The following CFHR4 variants were observed in gnomAD, a reference collection of about 807,000 sequenced individuals.
CFHR4 encodes the protein complement factor H related 4, also known as complement factor H-related protein 4.
A neutral mutation model predicts 69.3 loss-of-function variants in CFHR4; 64 were observed. The observed-to-expected ratio is 0.92, with a 90% CI of 0.76 to 1.14. The LOEUF (loss-of-function observed/expected upper bound fraction) is 1.14. CFHR4 is among the 50% of genes most tolerant of loss of function. The pLI is 0.00. For synonymous variants in CFHR4, 244 were observed against 237.0 expected, an observed-to-expected ratio of 1.03 and a Z score of -0.27; for missense variants, 636 against 684.9, an observed-to-expected ratio of 0.93 and a Z score of 0.80.
At chr1:196,893,446 G>A (rs1401085612) in intron 1 of CFHR4, among the ~76,000 whole-genome samples, 4 of 151,624 alleles carry the variant, frequency 2.6e-5, no homozygotes, top group African/African-American at 7.3e-5. Flanking sequence ...TCTATTCTGA[G>A]CCTTCCACAT....
chr1:196,904,022 A>G (rs1339164840), intron 2 of CFHR4, among the ~76,000 whole-genome samples: 1 of 151,580 alleles, frequency 6.6e-6, no homozygotes, highest in Non-Finnish European at 1.5e-5. Context: ...TAGAAACTAT[A>G]TGATAATTAG....
intron 1 of CFHR4, among the ~76,000 whole-genome samples, chr1:196,892,354 A>T (rs972802166): frequency 4.6e-5 from 7 of 151,608 alleles, no homozygotes; most frequent in African/African-American, 1.7e-4. Context: ...TAATCCCAGA[A>T]GAAAATGGTT....
At chr1:196,913,897 C>T (rs1237318047) in intron 7 of CFHR4, among the ~76,000 whole-genome samples, 3 of 151,302 alleles carry the variant, frequency 2.0e-5, no homozygotes, top group African/African-American at 7.3e-5. Context: ...TATATCAATT[C>T]CTACATTTCT....
chr1:196,915,197 T>G, intron 9 of CFHR4, 59 bp downstream of exon 9: 1 of 1,507,814 alleles, frequency 6.6e-7, no homozygotes, highest in East Asian at 2.3e-5. Context: ...GATATTTGCT[T>G]TTTTATACTA....
chr1:196,888,887 CTTT>C (rs1428784640), intron 1 of CFHR4, among the ~76,000 whole-genome samples: 3 of 151,232 alleles, frequency 2.0e-5, no homozygotes, highest in Admixed American at 1.3e-4. Flanking sequence ...ATTTTCATAG[CTTT>C]ATGTCATTGT....
At position 196,902,834 on chromosome 1, in the gene CFHR4, C is replaced by T. The variant is rs565038282; in HGVS notation, c.256+219C>T. On this transcript the variant is annotated intron_variant, in intron 2 of 9. Transcript: ENST00000608469. ...TATGAGAATACCGATATAATTTAAA[C>T]ATATTTTATCATAAAAACTAAGGTT... Among the ~76,000 whole-genome samples, 261 of 151,494 alleles carry T rather than the reference C, an allele frequency of 1.7e-3. 9 individuals carry two copies. Among genetic ancestry groups the T allele is most frequent in the African/African-American group, 6.0e-3 (245 of 41,114 alleles).
At chr1:196,905,892 C>T (rs1413150120) in intron 3 of CFHR4, among the ~76,000 whole-genome samples, 1 of 151,436 alleles carries the variant, frequency 6.6e-6, no homozygotes, top group Non-Finnish European at 1.5e-5. Context: ...GGATTCCTTA[C>T]AACTAAAGTT....
intron 1 of CFHR4, among the ~76,000 whole-genome samples, chr1:196,900,040 G>A (rs1007458084): frequency 2.6e-5 from 4 of 151,440 alleles, no homozygotes; most frequent in African/African-American, 4.9e-5. Flanking sequence ...AGAATCCTAC[G>A]TGCAAAGCTA....
In CFHR4 at chr1:196,902,433, A is replaced by G. The variant is rs761008403; in HGVS notation, c.74A>G (p.Asp25Gly). 53 of 1,606,766 alleles carry G rather than the reference A, an allele frequency of 3.3e-5. No homozygotes were observed. Among genetic ancestry groups the G allele is most frequent in the Non-Finnish European group, 4.4e-5 (52 of 1,176,596 alleles). The change falls in exon 2 of 10, where the codon GAT (aspartate) becomes GGT (glycine). Residue 25 changes from aspartate to glycine, a missense_variant. Asp to Gly is a moderately conservative substitution (Grantham distance 94). Coordinates refer to ENST00000608469, the MANE Select transcript of CFHR4 (RefSeq NM_001201550.3). Reference sequence around the variant, plus strand: ...TTATTACAAGAAGTGAAACCTTGTGATTTTCCAGAAATTCAACATGGAGGT... The same window carrying G: ...TTATTACAAGAAGTGAAACCTTGTGGTTTTCCAGAAATTCAACATGGAGGT... Reference protein sequence around the residue: ...CANGQEVKPCDFPEIQHGGLY... With the variant: ...CANGQEVKPCGFPEIQHGGLY...
chr1:196,907,153 A>G, intron 4 of CFHR4, 116 bp downstream of exon 4: 1 of 1,198,034 alleles, frequency 8.3e-7, no homozygotes, highest in East Asian at 2.6e-5. Flanking sequence ...TGTAGTCCTC[A>G]TTTGAGTGTG....
At chr1:196,888,293 T>G in intron 1 of CFHR4, 85 bp downstream of exon 1, 1 of 1,366,796 alleles carries the variant, frequency 7.3e-7, no homozygotes, top group East Asian at 2.3e-5. Context: ...TATAATTTTT[T>G]TATAAATCTG....
Position 196,918,483 on chromosome 1 carries a change from T to G in CFHR4, c.*77T>G. Reference sequence around the variant, plus strand: ...GGTCTCAAAGCTTGCAAAGATAGCTTCTGATATTGTTGTAATTTCTACTTT... The same window carrying G: ...GGTCTCAAAGCTTGCAAAGATAGCTGCTGATATTGTTGTAATTTCTACTTT... On this transcript the variant is annotated 3_prime_UTR_variant, in exon 10 of 10. Transcript: ENST00000608469. The G allele has an allele frequency of 7.3e-7, 1 of 1,363,162 alleles. No homozygotes were observed. The highest frequency in any genetic ancestry group is 1.0e-6 in the Non-Finnish European group (1 of 959,268). The allele number at this position is 1,363,162 out of a possible 1,614,324, so 84.4% of individuals were successfully genotyped here. A position where few individuals can be genotyped will look rare whatever the true frequency, so the allele number is the denominator to read the frequency against.
chr1:196,893,398 T>C (rs1286725769), intron 1 of CFHR4, among the ~76,000 whole-genome samples: 1 of 151,486 alleles, frequency 6.6e-6, no homozygotes, highest in Non-Finnish European at 1.5e-5. Context: ...GATATTGCCA[T>C]ATGTTGCTGG....
rs1658768235 is a variant in CFHR4 at position 196,918,202 on chromosome 1, G to A, written c.1541-8G>A. 1.3e-6 allele frequency: 2 copies of A among 1,599,804 alleles called. No homozygotes were observed. The highest frequency in any genetic ancestry group is 1.7e-6 in the Non-Finnish European group (2 of 1,171,436). On this transcript the variant is annotated splice_region_variant and splice_polypyrimidine_tract_variant and intron_variant, in intron 9 of 9. Transcript: ENST00000608469. ...ATGATTGTTAATTGTTTCTTTTTCT[G>A]CTTTCAGATCCATGTATAATAACTG...
chr1:196,910,150 TAAAA>T, intron 5 of CFHR4, 127 bp from the exon 6 acceptor site: 11 of 422,712 alleles, frequency 2.6e-5, no homozygotes, highest in Admixed American at 5.0e-5. Flanking sequence ...AAATTTCATC[TAAAA>T]AAAAAAAAAA....
Position 196,912,858 on chromosome 1 carries a change from T to C in CFHR4, c.1116T>C (p.Asp372=), listed in dbSNP as rs375305046. The C allele has an allele frequency of 5.2e-5, 84 of 1,611,308 alleles. 1 individual carries two copies. The highest frequency in any genetic ancestry group is 1.1e-5 in the South Asian group (1 of 90,686). The change falls in exon 7 of 10, where the codon GAT becomes GAC. Residue 372 remains aspartate, a synonymous_variant. Coordinates refer to ENST00000608469, the MANE Select transcript of CFHR4 (RefSeq NM_001201550.3). The part of the protein sequence containing the change: ...YKCKPGYATA[D]GNSSGSITCL... ...GTAAACCAGGATATGCAACAGCAGA[T>C]GGAAATTCTTCAGGTTCAATTACAT...
intron 2 of CFHR4, among the ~76,000 whole-genome samples, chr1:196,903,312 G>A (rs1271152262): frequency 6.6e-6 from 1 of 151,102 alleles, no homozygotes; most frequent in Non-Finnish European, 1.5e-5. Flanking sequence ...AAAATTTCTG[G>A]ATAATTAGTG....
At chr1:196,907,102 A>G (rs1657953870) in intron 4 of CFHR4, 65 bp downstream of exon 4, 1 of 1,408,490 alleles carries the variant, frequency 7.1e-7, no homozygotes, top group South Asian at 1.2e-5. Flanking sequence ...ACATATGTAT[A>G]TGTACACATA....
intron 3 of CFHR4, among the ~76,000 whole-genome samples, chr1:196,906,162 T>C (rs1479094118): frequency 4.6e-5 from 7 of 151,512 alleles, no homozygotes; most frequent in Admixed American, 4.0e-4. Flanking sequence ...ACTACTGATA[T>C]GTAATTGAAC....
Sources: allele counts gnomAD v4.1 joint callset (sites outside exome capture counted in the v4.1 genomes callset), GRCh38; gene constraint gnomAD v4.1.1; transcripts MANE v1.5; gene names NCBI Gene and HGNC (gene_info 2026-07-23, HGNC 2026-07-21).